The following PGM2L1 variants were observed in gnomAD, a reference collection of about 807,000 sequenced individuals.
PGM2L1 encodes the protein phosphoglucomutase 2 like 1.
A neutral mutation model predicts 73.4 loss-of-function variants in PGM2L1; 35 were observed. That is an observed-to-expected ratio of 0.48 (90% CI 0.36 to 0.63). PGM2L1 has a LOEUF of 0.63. Ranked by LOEUF, PGM2L1 falls within the 30% of genes least tolerant of loss-of-function variation. PGM2L1 has a pLI of 0.00. For synonymous variants in PGM2L1, 225 were observed against 253.8 expected, an observed-to-expected ratio of 0.89 and a Z score of 1.08; for missense variants, 570 against 742.0, an observed-to-expected ratio of 0.77 and a Z score of 2.69.
At chr11:74,391,183 C>T (rs939691576) in intron 1 of PGM2L1, among the ~76,000 whole-genome samples, 36 of 150,784 alleles carry the variant, frequency 2.4e-4, no homozygotes, top group African/African-American at 8.5e-4. Context: ...CTACTTTCTT[C>T]CTGTTTTCCT....
intron 5 of PGM2L1, among the ~76,000 whole-genome samples, chr11:74,361,544 C>T (rs561509493): frequency 9.1e-4 from 138 of 152,268 alleles, no homozygotes; most frequent in Middle Eastern, 3.4e-3. Flanking sequence ...CAAAGCTGGA[C>T]GGAGAATGAC....
chr11:74,355,686 C>T (rs1862439985), intron 5 of PGM2L1: 1 of 511,082 alleles, frequency 2.0e-6, no homozygotes, highest in African/African-American at 1.9e-5. Context: ...ATGGTGGTTC[C>T]AATAGCAGCA....
rs71065078 is a variant in PGM2L1 at position 74,389,947 on chromosome 11, C to CAAAA, written c.111+8100_111+8103dup. ...TGAAACCCCGTCCCTACTAAAAATACAAAAAAAAAAAAAAAAAAAAAATTA... is the reference window on the plus strand; with the variant it reads ...TGAAACCCCGTCCCTACTAAAAATACAAAAAAAAAAAAAAAAAAAAAAAAAATTA... On this transcript the variant is annotated intron_variant, in intron 1 of 13. Coordinates refer to ENST00000298198, the MANE Select transcript of PGM2L1 (RefSeq NM_173582.6). 4.6e-3 allele frequency among the ~76,000 whole-genome samples: 179 copies of CAAAA among 38,570 alleles called. 8 individuals carry two copies. The highest frequency in any genetic ancestry group is 0.012 in the African/African-American group (107 of 8,714). 25.3% of individuals were successfully genotyped at this position (38,570 alleles called of 152,430 possible).
chr11:74,348,924 G>A (rs1489133424), intron 6 of PGM2L1, among the ~76,000 whole-genome samples: 1 of 152,160 alleles, frequency 6.6e-6, no homozygotes, highest in South Asian at 2.1e-4. Context: ...CTCACAGGTG[G>A]AAGCACACAA....
chr11:74,349,834 G>A (rs1322430826), intron 6 of PGM2L1, among the ~76,000 whole-genome samples: 7 of 151,996 alleles, frequency 4.6e-5, no homozygotes, highest in African/African-American at 1.7e-4. Context: ...ATATGTGTAT[G>A]TCTATATATT....
chr11:74,336,564 G>A lies in PGM2L1; in HGVS notation c.*88C>T, dbSNP rs532428669. 2.6e-6 allele frequency: 2 copies of A among 762,718 alleles called. No individual in the cohort carries two copies. Among genetic ancestry groups the A allele is most frequent in the South Asian group, 3.0e-5 (1 of 33,012 alleles). 47.2% of individuals were successfully genotyped at this position (762,718 alleles called of 1,614,324 possible). A position where few individuals can be genotyped will look rare whatever the true frequency, so the allele number is the denominator to read the frequency against. ...GATACTCGGCCAGATGAGATAGAGA[G>A]AGAATGCTAACACAAGGTTCAATGT... On this transcript the variant is annotated 3_prime_UTR_variant, in exon 14 of 14. Coordinates refer to ENST00000298198, the MANE Select transcript of PGM2L1 (RefSeq NM_173582.6).
intron 8 of PGM2L1, 140 bp downstream of exon 8, chr11:74,346,592 G>T (rs761662920): frequency 3.7e-5 from 22 of 591,036 alleles, no homozygotes; most frequent in Non-Finnish European, 6.3e-5. Flanking sequence ...ATCAACTTAG[G>T]TGGTTATTTT....
Position 74,345,491 on chromosome 11 carries a change from A to C in PGM2L1, c.1196T>G (p.Leu399Arg). 6.2e-7 allele frequency: 1 copy of C among 1,611,464 alleles called. No homozygotes were observed. Among genetic ancestry groups the C allele is most frequent in the Non-Finnish European group, 8.5e-7 (1 of 1,178,178 alleles). Residue 399 changes from leucine (L) to arginine (R), a missense_variant, in exon 9 of 14, where the codon CTT (leucine) becomes CGT (arginine). Leu to Arg is a moderately radical substitution (Grantham distance 102, BLOSUM62 -2). Coordinates refer to ENST00000298198, the MANE Select transcript of PGM2L1 (RefSeq NM_173582.6). ...TACTTCAAAATGAAATCCTTCTTTA[A>C]GTGCAATTGCCTTCAGAATTTTAGA... ...VSSKILKAIA[L>R]KEGFHFEETL...
intron 1 of PGM2L1, among the ~76,000 whole-genome samples, chr11:74,383,603 C>T (rs1387774388): frequency 1.3e-5 from 2 of 151,852 alleles, no homozygotes; most frequent in Admixed American, 6.6e-5. Flanking sequence ...TCCCTCCCCA[C>T]GCCTCCCAGA....
chr11:74,342,744 C>A, intron 11 of PGM2L1, 94 bp from the exon 12 acceptor site: 1 of 1,365,156 alleles, frequency 7.3e-7, no homozygotes, highest in Non-Finnish European at 9.9e-7. Context: ...GTATTTTATA[C>A]AAAGTGGCAG....
intron 5 of PGM2L1, among the ~76,000 whole-genome samples, chr11:74,353,186 G>C (rs604998): frequency 6.7e-6 from 1 of 148,960 alleles, no homozygotes; most frequent in African/African-American, 2.4e-5. Context: ...GTTTTTTTGT[G>C]TGTGTGTGTG....
At position 74,330,911 on chromosome 11, in the gene PGM2L1, CT is replaced by C; in HGVS notation, c.*5740del. 1 of 152,246 alleles carries C rather than the reference CT, an allele frequency of 6.6e-6. No individual in the cohort carries two copies. Among genetic ancestry groups the C allele is most frequent in the Middle Eastern group, 3.4e-3 (1 of 294 alleles). The allele number at this position is 152,246 out of a possible 1,614,324, so 9.4% of individuals were successfully genotyped here. ...AACTGAGTATTTAAGGGGATGTCTG[CT>C]TAATAAACATTACATTATAAAGTTC... On this transcript the variant is annotated 3_prime_UTR_variant, in exon 14 of 14. Coordinates refer to ENST00000298198, the MANE Select transcript of PGM2L1 (RefSeq NM_173582.6).
chr11:74,379,113 T>C (rs189895445), intron 1 of PGM2L1, among the ~76,000 whole-genome samples: 2 of 152,338 alleles, frequency 1.3e-5, no homozygotes, highest in Non-Finnish European at 2.9e-5. Context: ...ATTTGGCTCA[T>C]GGTTCTGCAG....
chr11:74,359,157 A>C (rs1006853870), intron 5 of PGM2L1, among the ~76,000 whole-genome samples: 2 of 152,188 alleles, frequency 1.3e-5, no homozygotes, highest in African/African-American at 4.8e-5. Flanking sequence ...CATCTTTAAA[A>C]ATCTATATAG....
At chr11:74,356,779 T>A (rs535195450) in intron 5 of PGM2L1, among the ~76,000 whole-genome samples, 2 of 151,772 alleles carry the variant, frequency 1.3e-5, no homozygotes, top group Non-Finnish European at 2.9e-5. Context: ...GATGCAAAAC[T>A]ATAAAACTCC....
chr11:74,352,882 C>T (rs1862379346), intron 5 of PGM2L1, among the ~76,000 whole-genome samples: 1 of 152,108 alleles, frequency 6.6e-6, no homozygotes, highest in Non-Finnish European at 1.5e-5. Context: ...GATTGTAATG[C>T]CCATGTGCAA....
chr11:74,342,412 T>C (rs773171629), intron 12 of PGM2L1, 49 bp downstream of exon 12: 60 of 1,365,166 alleles, frequency 4.4e-5, no homozygotes, highest in Non-Finnish European at 5.6e-5. Flanking sequence ...TTTGGTGACA[T>C]GAGCCATGAA....
chr11:74,341,216 A>T (rs143688418), intron 12 of PGM2L1, among the ~76,000 whole-genome samples: 3 of 152,218 alleles, frequency 2.0e-5, no homozygotes, highest in Non-Finnish European at 2.9e-5. Context: ...ATAAGTTAGC[A>T]GACTGAAAAA....
chr11:74,359,097 CAT>C (rs575988434), intron 5 of PGM2L1, among the ~76,000 whole-genome samples: 64 of 152,120 alleles, frequency 4.2e-4, no homozygotes, highest in African/African-American at 1.5e-3. Flanking sequence ...TCATATCATT[CAT>C]ATGTGTATAT....
Sources: gnomAD v4.1 joint callset for allele counts (sites outside exome capture counted in the v4.1 genomes callset) on GRCh38, gnomAD v4.1.1 for gene constraint, MANE v1.5 for transcripts, NCBI Gene and HGNC (gene_info 2026-07-23, HGNC 2026-07-21) for gene names.